KIF21A: variants seen among roughly 807,000 people sequenced by gnomAD.
KIF21A encodes the protein kinesin family member 21A, also known as kinesin-like protein KIF21A.
A neutral mutation model predicts 202.9 loss-of-function variants in KIF21A; 114 were observed. The observed-to-expected ratio is 0.56, with a 90% CI of 0.48 to 0.66. The LOEUF is 0.66. KIF21A is among the 30% of genes least tolerant of loss of function. The pLI is 0.00. For missense variants in KIF21A, 1,677 were observed against 1,994.9 expected (o/e 0.84, Z 3.04); for synonymous variants, 667 against 670.8 (o/e 0.99, Z 0.09).
intron 26 of KIF21A, 144 bp downstream of exon 26, chr12:39,325,695 T>A (rs892198012): frequency 1.6e-6 from 1 of 643,450 alleles, no homozygotes; most frequent in East Asian, 2.7e-5. Context: ...GAAATATGAT[T>A]AAAAAAACTA....
In KIF21A at chr12:39,358,266, A is replaced by G. The variant is rs1186045282; in HGVS notation, c.1127T>C (p.Met376Thr). 2.5e-6 allele frequency: 4 copies of G among 1,613,984 alleles called. No individual in the cohort carries two copies. Among genetic ancestry groups the G allele is most frequent in the Non-Finnish European group, 3.4e-6 (4 of 1,179,986 alleles). ...CTGACTAGCTCTGTCCTGATTGACC[A>G]TCACCTTATTCTTGATATTTCTAGC... ...NRARNIKNKVMVNQDRASQQI... is the reference protein window; with the variant it reads ...NRARNIKNKVTVNQDRASQQI... Residue 376 changes from methionine (M) to threonine (T), a missense_variant, in exon 8 of 38, where the codon ATG becomes ACG. Coordinates refer to ENST00000361418, the MANE Select transcript of KIF21A (RefSeq NM_001173464.2).
chr12:39,330,238 T>C lies in KIF21A; in HGVS notation c.3340+4A>G. 6.2e-7 allele frequency: 1 copy of C among 1,611,350 alleles called. No individual in the cohort carries two copies. The highest frequency in any genetic ancestry group is 8.5e-7 in the Non-Finnish European group (1 of 1,177,736). ...AGGATACACAGAAAGCTAAACATAC[T>C]TACCTAATGGTACGCTATCTAGATC... On this transcript the variant is annotated splice_donor_region_variant and intron_variant, in intron 24 of 37. Transcript: ENST00000361418.
chr12:39,395,652 G>T (rs1951687798), intron 1 of KIF21A, among the ~76,000 whole-genome samples: 1 of 151,790 alleles, frequency 6.6e-6, no homozygotes, highest in African/African-American at 2.4e-5. Flanking sequence ...GACTAGCCTG[G>T]CCAACATGGG....
intron 22 of KIF21A, among the ~76,000 whole-genome samples, chr12:39,331,231 C>T (rs1946478858): frequency 1.3e-5 from 2 of 151,830 alleles, no homozygotes; most frequent in South Asian, 4.1e-4. Flanking sequence ...AAAAGTGAGT[C>T]AGAAACCATT....
At chr12:39,326,369 G>A (rs760651637) in intron 24 of KIF21A, 45 bp from the exon 25 acceptor site, 3 of 1,332,514 alleles carry the variant, frequency 2.3e-6, no homozygotes, top group Non-Finnish European at 3.2e-6. Flanking sequence ...CCATGTCACA[G>A]TTTGAATGGT....
rs760538537 is a variant in KIF21A, at chr12:39,302,979, TTTGAG to T, written c.4712_4716del (p.Thr1571LysfsTer12). On this transcript the variant is annotated frameshift_variant, in exon 36 of 38. Transcript: ENST00000361418. LOFTEE classifies it high-confidence loss of function. Reference sequence around the variant, plus strand: ...TTCTGCATTACCTGAAGAAGGTCTTTTTGAGTTAAGTCCCATTTCTTGATTCCATT... The same window carrying T: ...TTCTGCATTACCTGAAGAAGGTCTTTTTAAGTCCCATTTCTTGATTCCATT... 5 of 1,614,014 alleles carry T rather than the reference TTTGAG, an allele frequency of 3.1e-6. No individual in the cohort carries two copies. Among genetic ancestry groups the T allele is most frequent in the Non-Finnish European group, 4.2e-6 (5 of 1,179,906 alleles).
At chr12:39,392,688 G>T (rs1394738827) in intron 1 of KIF21A, among the ~76,000 whole-genome samples, 2 of 151,542 alleles carry the variant, frequency 1.3e-5, no homozygotes, top group African/African-American at 4.9e-5. Context: ...TGGTGCTCTT[G>T]TTGGTTGAGA....
At chr12:39,440,442 T>A (rs1371492395) in intron 1 of KIF21A, among the ~76,000 whole-genome samples, 1 of 152,142 alleles carries the variant, frequency 6.6e-6, no homozygotes, top group Admixed American at 6.5e-5. Flanking sequence ...AGGACCTAAG[T>A]CACAGATTGT....
At chr12:39,329,109 T>C in intron 24 of KIF21A, among the ~76,000 whole-genome samples, 1 of 152,330 alleles carries the variant, frequency 6.6e-6, no homozygotes, top group Middle Eastern at 3.4e-3. Flanking sequence ...AATGTACCTA[T>C]AACTTTCTAG....
rs528542694 is a variant in KIF21A, at chr12:39,296,271, G to A, written c.4932-1754C>T. ...TTTTTAGTAGGGACAGGGTTTCACC[G>A]TGTTAGCCAGGATGGTCCCGATCTC... On this transcript the variant is annotated intron_variant, in intron 37 of 37. Transcript: ENST00000361418. 7.2e-4 allele frequency among the ~76,000 whole-genome samples: 108 copies of A among 149,202 alleles called. No homozygotes were observed. The Middle Eastern group carries it at 0.011, about 15-fold the overall frequency.
intron 27 of KIF21A, chr12:39,321,577 C>A (rs1427379047): frequency 6.6e-6 from 1 of 152,130 alleles, no homozygotes; most frequent in East Asian, 1.9e-4. Flanking sequence ...ATTACATAGG[C>A]CACCTCAAGC....
Position 39,358,390 on chromosome 12 carries a change from ATAGT to A in KIF21A, c.1020-21_1020-18del. 3 of 1,608,988 alleles carry A rather than the reference ATAGT, an allele frequency of 1.9e-6. No homozygotes were observed. The highest frequency in any genetic ancestry group is 2.6e-6 in the Non-Finnish European group (3 of 1,175,324). On this transcript the variant is annotated intron_variant, in intron 7 of 37. Transcript: ENST00000361418. The stretch of plus-strand genomic sequence containing the variant: ...ATTGTTTGGCTGAAAGTTACAAATA[ATAGT>A]TAGGCTTACACATAAAAGCACCTAA...
At chr12:39,424,218 C>T (rs1205160209) in intron 1 of KIF21A, among the ~76,000 whole-genome samples, 1 of 152,272 alleles carries the variant, frequency 6.6e-6, no homozygotes, top group East Asian at 1.9e-4. Context: ...TCACATCTTA[C>T]TTGACTTCTC....
chr12:39,387,891 T>C (rs574376573), intron 1 of KIF21A, among the ~76,000 whole-genome samples: 8 of 152,290 alleles, frequency 5.3e-5, no homozygotes, highest in Admixed American at 2.6e-4. Context: ...CAAATGCATA[T>C]TCTTTTTCCT....
At position 39,341,090 on chromosome 12, in the gene KIF21A, A is replaced by G; in HGVS notation, c.1926T>C (p.Asn642=). 6.3e-7 allele frequency: 1 copy of G among 1,598,986 alleles called. No individual in the cohort carries two copies. Among genetic ancestry groups the G allele is most frequent in the South Asian group, 1.1e-5 (1 of 89,768 alleles). ...TAATGTTTGCCAAGTCTGCTTGATAATTGGCTATTTATAAAAGAAGAAAAT... is the reference window on the plus strand; with the variant it reads ...TAATGTTTGCCAAGTCTGCTTGATAGTTGGCTATTTATAAAAGAAGAAAAT... The part of the protein sequence containing the change: ...ESDSESDEKA[N]YQADLANITC... The change falls in exon 15 of 38, where the codon AAT becomes AAC. Residue 642 remains asparagine, a synonymous_variant. Coordinates refer to ENST00000361418, the MANE Select transcript of KIF21A (RefSeq NM_001173464.2).
At chr12:39,358,017 G>A (rs1048960289) in intron 8 of KIF21A, among the ~76,000 whole-genome samples, 161 bp downstream of exon 8, 2 of 143,700 alleles carry the variant, frequency 1.4e-5, no homozygotes, top group African/African-American at 5.2e-5. Flanking sequence ...GTTAAAGACT[G>A]TCCACAAGGA....
intron 20 of KIF21A, 65 bp from the exon 21 acceptor site, chr12:39,332,473 A>AGAC: frequency 1.3e-6 from 1 of 787,552 alleles, no homozygotes; most frequent in Non-Finnish European, 2.0e-6. Context: ...GTACCATCAA[A>AGAC]CCCCCCCACC....
chr12:39,328,366 A>C (rs908793754), intron 24 of KIF21A, among the ~76,000 whole-genome samples: 2 of 152,194 alleles, frequency 1.3e-5, no homozygotes, highest in Non-Finnish European at 2.9e-5. Flanking sequence ...CTGGAGAAAG[A>C]AAGCACTCTG....
Position 39,332,712 on chromosome 12 carries a change from C to CG in KIF21A, c.2734dup (p.Arg912ProfsTer16). 1 of 1,614,084 alleles carries CG rather than the reference C, an allele frequency of 6.2e-7. No individual in the cohort carries two copies. ...GCGAGCTGTCTTGGAAATAAACACT[C>CG]GGCCAGTCAATCCTTTCCTCTGATA... On this transcript the variant is annotated frameshift_variant, in exon 20 of 38. Transcript: ENST00000361418. LOFTEE classifies it high-confidence loss of function.
Sources: allele counts gnomAD v4.1 joint callset (sites outside exome capture counted in the v4.1 genomes callset), GRCh38; gene constraint gnomAD v4.1.1; transcripts MANE v1.5; gene names NCBI Gene and HGNC (gene_info 2026-07-23, HGNC 2026-07-21).